The following CCDC110 variants were observed in gnomAD, a reference collection of about 807,000 sequenced individuals.
The protein encoded by CCDC110 is coiled-coil domain containing 110, also known as coiled-coil domain-containing protein 110.
A neutral mutation model predicts 77.1 loss-of-function variants in CCDC110; 70 were observed. The observed-to-expected ratio is 0.91, with a 90% confidence interval of 0.75 to 1.11. CCDC110 has a LOEUF of 1.11. Among genes scored for constraint, CCDC110 ranks in the 50% least tolerant of loss-of-function variants. CCDC110 has a pLI of 0.00. For synonymous variants in CCDC110, 295 were observed against 312.5 expected (o/e 0.94, Z 0.59); for missense variants, 868 against 942.9 (o/e 0.92, Z 1.04).
intron 2 of CCDC110, 28 bp from the exon 3 acceptor site, chr4:185,463,077 G>C (rs767552270): frequency 4.5e-6 from 7 of 1,571,266 alleles, no homozygotes; most frequent in Non-Finnish European, 5.2e-6. Context: ...AAAACCATGT[G>C]ACTTAATTCT....
At chr4:185,470,820 T>C (rs1431408856) in intron 2 of CCDC110, 125 bp downstream of exon 2, 1 of 768,610 alleles carries the variant, frequency 1.3e-6, no homozygotes, top group African/African-American at 1.7e-5. Flanking sequence ...AAAGCGCGAG[T>C]GCCGTGGTGG....
At position 185,458,856 on chromosome 4, in the gene CCDC110, A is replaced by G. The variant is rs2095640583; in HGVS notation, c.1731T>C (p.Asn577=). ...MSIEMEAMKT[N]ILLIQDEKEM... ...CTTTTTCATCTTGTATCAACAGAAT[A>G]TTGGTTTTCATTGCTTCCATTTCTA... The change falls in exon 6 of 7, where the codon AAT becomes AAC. Residue 577 remains asparagine (N), a synonymous_variant. Coordinates refer to ENST00000307588, the MANE Select transcript of CCDC110 (RefSeq NM_152775.4). 6.2e-7 allele frequency: 1 copy of G among 1,604,902 alleles called. No homozygotes were observed. The highest frequency in any genetic ancestry group is 8.5e-7 in the Non-Finnish European group (1 of 1,177,956).
intron 2 of CCDC110, among the ~76,000 whole-genome samples, chr4:185,470,190 T>C (rs1190360024): frequency 6.6e-6 from 1 of 152,210 alleles, no homozygotes; most frequent in African/African-American, 2.4e-5. Context: ...CTATAAAAAG[T>C]AGTTTTCTTT....
In CCDC110 at chr4:185,459,330, G is replaced by A. The variant is rs776982244; in HGVS notation, c.1257C>T (p.Ser419=). Residue 419 remains serine, a synonymous_variant, in exon 6 of 7, where the codon TCC becomes TCT. Transcript: ENST00000307588. ...TTTTTGCAACACACTGCTCAGTAAC[G>A]GAATTAACTTTGGAAGTTTTCTCAT... ...SENEKTSKVN[S]VTEQCVAKIQ... 1.3e-5 allele frequency: 21 copies of A among 1,612,026 alleles called. No homozygotes were observed. The highest frequency in any genetic ancestry group is 1.1e-4 in the South Asian group (10 of 90,724).
At position 185,459,179 on chromosome 4, in the gene CCDC110, T is replaced by C. The variant is rs149786198; in HGVS notation, c.1408A>G (p.Ile470Val). 79 of 1,601,736 alleles carry C rather than the reference T, an allele frequency of 4.9e-5. No homozygotes were observed. In the African/African-American group the frequency reaches 1.0e-3, roughly 21 times the overall value. ...TTTTCATATGTTTCAACTTTCTGTA[T>C]GAGAGATTGTGTGGTAAAGATAAGA... ...KPLIFTTQSL[I>V]QKVETYEKQL... Residue 470 changes from isoleucine (I) to valine (V), a missense_variant, in exon 6 of 7, where the codon ATA becomes GTA. By Grantham distance (29) the Ile-to-Val change is conservative. Transcript: ENST00000307588.
intron 6 of CCDC110, among the ~76,000 whole-genome samples, chr4:185,456,317 A>G (rs1580176088): frequency 6.6e-6 from 1 of 152,216 alleles, no homozygotes; most frequent in Non-Finnish European, 1.5e-5. Context: ...ATGAAAACAT[A>G]CCAGACTCTG....
chr4:185,460,034 T>C lies in CCDC110; in HGVS notation c.553A>G (p.Ile185Val). The C allele has an allele frequency of 6.2e-7, 1 of 1,613,694 alleles. No individual in the cohort carries two copies. Among genetic ancestry groups the C allele is most frequent in the Non-Finnish European group, 8.5e-7 (1 of 1,179,732 alleles). The stretch of plus-strand genomic sequence containing the variant: ...ATGTCAGAATTTTCTGAAGGGTGTA[T>C]AATTATGTTTGAAGATAAATTGTCT... ...STDNLSSNII[I>V]HPSENSDILK... Residue 185 changes from isoleucine (I) to valine (V), a missense_variant, in exon 6 of 7, where the codon ATA becomes GTA. By Grantham distance (29) the Ile-to-Val change is conservative. Coordinates refer to ENST00000307588, the MANE Select transcript of CCDC110 (RefSeq NM_152775.4).
At chr4:185,451,714 T>TA (rs1439743837) in intron 6 of CCDC110, among the ~76,000 whole-genome samples, 1 of 152,258 alleles carries the variant, frequency 6.6e-6, no homozygotes, top group African/African-American at 2.4e-5. Flanking sequence ...CTCATGCCTG[T>TA]AATCCCAATT....
rs373203498 is a variant in CCDC110 at position 185,459,585 on chromosome 4, C to A, written c.1002G>T (p.Val334=). 8.4e-5 allele frequency: 136 copies of A among 1,613,090 alleles called. No homozygotes were observed. The highest frequency in any genetic ancestry group is 1.1e-4 in the Non-Finnish European group (134 of 1,179,688). ...PFRETVSKFH[V]HFCRKCKKLS... ...ACTTTTTACATTTTCTACAAAAATGCACATGGAATTTTGACACAGTTTCCC... is the reference window on the plus strand; with the variant it reads ...ACTTTTTACATTTTCTACAAAAATGAACATGGAATTTTGACACAGTTTCCC... Residue 334 remains valine (V), a synonymous_variant, in exon 6 of 7, where the codon GTG becomes GTT. Coordinates refer to ENST00000307588, the MANE Select transcript of CCDC110 (RefSeq NM_152775.4).
intron 2 of CCDC110, among the ~76,000 whole-genome samples, chr4:185,469,885 T>C (rs376953633): frequency 6.6e-6 from 1 of 152,330 alleles, no homozygotes; most frequent in East Asian, 1.9e-4. Flanking sequence ...TTCAGCACTT[T>C]GGCATCAGGA....
chr4:185,461,968 G>T (rs2095647204), intron 4 of CCDC110, among the ~76,000 whole-genome samples: 1 of 152,110 alleles, frequency 6.6e-6, no homozygotes, highest in African/African-American at 2.4e-5. Flanking sequence ...CATGGTGGTG[G>T]GCACCTGTAA....
At chr4:185,470,921 C>T (rs201615653) in intron 2 of CCDC110, 24 bp downstream of exon 2, 2 of 1,509,920 alleles carry the variant, frequency 1.3e-6, no homozygotes, top group South Asian at 1.1e-5. Context: ...GTTAAAGGAG[C>T]CTTTTACGGT....
At chr4:185,470,319 C>G (rs2095663538) in intron 2 of CCDC110, among the ~76,000 whole-genome samples, 1 of 151,124 alleles carries the variant, frequency 6.6e-6, no homozygotes, top group Non-Finnish European at 1.5e-5. Context: ...ATTTGCATAG[C>G]TTCTATGTGT....
At chr4:185,457,865 TTAAAA>T in intron 6 of CCDC110, 2 of 1,091,436 alleles carry the variant, frequency 1.8e-6, no homozygotes, top group South Asian at 3.5e-5. Flanking sequence ...TACTTATACT[TTAAAA>T]TAATAATTAA....
intron 6 of CCDC110, among the ~76,000 whole-genome samples, chr4:185,456,706 A>G (rs534328734): frequency 1.6e-4 from 24 of 152,232 alleles, no homozygotes; most frequent in Non-Finnish European, 2.6e-4. Context: ...CTCAAGAAAT[A>G]GAAAATCTGA....
intron 2 of CCDC110, among the ~76,000 whole-genome samples, chr4:185,464,578 C>G (rs1178854008): frequency 2.0e-5 from 3 of 152,278 alleles, no homozygotes; most frequent in Non-Finnish European, 4.4e-5. Context: ...GTTTTTCAGA[C>G]TCTAAAGTAA....
chr4:185,455,766 T>C (rs1362489593), intron 6 of CCDC110, among the ~76,000 whole-genome samples: 3 of 151,832 alleles, frequency 2.0e-5, no homozygotes, highest in African/African-American at 4.8e-5. Flanking sequence ...GCCTGTAATC[T>C]CAGCTACTCG....
intron 2 of CCDC110, among the ~76,000 whole-genome samples, chr4:185,469,164 C>T (rs2095661342): frequency 6.6e-6 from 1 of 152,204 alleles, no homozygotes; most frequent in African/African-American, 2.4e-5. Context: ...CAAATCAGGT[C>T]ATTATTTTCT....
rs190444967 is a variant in CCDC110, at chr4:185,448,015, G to A, written c.2462-2473C>T. On this transcript the variant is annotated intron_variant, in intron 6 of 6. Coordinates refer to ENST00000307588, the MANE Select transcript of CCDC110 (RefSeq NM_152775.4). ...TTGAAAGAACAGGTTTTGGAAATAC[G>A]TTTTGTCTTTTTTTCCTTTTTTGAG... Among the ~76,000 whole-genome samples the A allele has an allele frequency of 2.9e-3, 446 of 152,134 alleles. 3 individuals carry two copies. The highest frequency in any genetic ancestry group is 0.01 in the African/African-American group (427 of 41,538).
Sources: gnomAD v4.1 joint callset for allele counts (sites outside exome capture counted in the v4.1 genomes callset) on GRCh38, gnomAD v4.1.1 for gene constraint, MANE v1.5 for transcripts, NCBI Gene and HGNC (gene_info 2026-07-23, HGNC 2026-07-21) for gene names.